XXYLT1: variants seen among roughly 807,000 people sequenced by gnomAD.
The protein encoded by XXYLT1 is UDP-xylose:alpha-xyloside alpha-1,3-xylosyltransferase.
Under a neutral mutation model 28.9 loss-of-function variants are expected in XXYLT1, and 20 were observed. The observed-to-expected ratio is 0.69, with a 90% CI of 0.49 to 1.00. The LOEUF is 1.00. Ranked by LOEUF, XXYLT1 falls within the 50% of genes least tolerant of loss-of-function variation. XXYLT1 has a pLI of 0.00. For missense variants in XXYLT1, 542 were observed against 560.1 expected (o/e 0.97, Z 0.33); for synonymous variants, 257 against 253.8 (o/e 1.01, Z -0.12).
chr3:195,117,825 C>T (rs1456042249), intron 3 of XXYLT1, among the ~76,000 whole-genome samples: 1 of 152,240 alleles, frequency 6.6e-6, no homozygotes, highest in African/African-American at 2.4e-5. Context: ...CAGTGGCCAT[C>T]TCAGTGCCAC....
At chr3:195,139,594 G>A (rs556004420) in intron 3 of XXYLT1, among the ~76,000 whole-genome samples, 3 of 152,306 alleles carry the variant, frequency 2.0e-5, no homozygotes, top group South Asian at 2.1e-4. Flanking sequence ...GGCTTGTTCA[G>A]AGCCTGGCCC....
chr3:195,265,169 T>A (rs1725807672), intron 1 of XXYLT1, among the ~76,000 whole-genome samples: 1 of 151,768 alleles, frequency 6.6e-6, no homozygotes, highest in South Asian at 2.1e-4. Context: ...CAGGAGTTCA[T>A]GACCAGCCTG....
At chr3:195,181,959 C>T (rs142051917) in intron 2 of XXYLT1, among the ~76,000 whole-genome samples, 2 of 152,346 alleles carry the variant, frequency 1.3e-5, no homozygotes, top group African/African-American at 4.8e-5. Flanking sequence ...CTTTCTATCT[C>T]AACAAACACT....
At chr3:195,139,660 G>C (rs1719384839) in intron 3 of XXYLT1, among the ~76,000 whole-genome samples, 1 of 152,168 alleles carries the variant, frequency 6.6e-6, no homozygotes, top group Non-Finnish European at 1.5e-5. Flanking sequence ...GCTCAGATGT[G>C]CCAAGATGAT....
intron 2 of XXYLT1, among the ~76,000 whole-genome samples, chr3:195,169,569 G>C (rs1344118378): frequency 6.6e-6 from 1 of 152,164 alleles, no homozygotes; most frequent in East Asian, 1.9e-4. Flanking sequence ...CAATTTTTCA[G>C]CTTTAGGATG....
intron 3 of XXYLT1, among the ~76,000 whole-genome samples, chr3:195,118,896 G>C (rs1718187925): frequency 6.6e-6 from 1 of 152,216 alleles, no homozygotes; most frequent in Non-Finnish European, 1.5e-5. Flanking sequence ...GGTTCTAAGA[G>C]CACTGCGTTC....
chr3:195,125,850 G>A (rs577213793), intron 3 of XXYLT1, among the ~76,000 whole-genome samples: 12 of 152,244 alleles, frequency 7.9e-5, no homozygotes, highest in African/African-American at 2.2e-4. Flanking sequence ...AGTCACAGCC[G>A]CTCCAGCGGG....
intron 3 of XXYLT1, among the ~76,000 whole-genome samples, chr3:195,089,050 T>C (rs1397603607): frequency 2.0e-5 from 3 of 152,044 alleles, no homozygotes; most frequent in South Asian, 2.1e-4. Flanking sequence ...CTACGTCTGA[T>C]TGGTGTACCT....
In XXYLT1 at chr3:195,268,534, G is replaced by A. The variant is rs1291699896; in HGVS notation, c.504+2021C>T. 2.0e-5 allele frequency among the ~76,000 whole-genome samples: 3 copies of A among 151,926 alleles called. No individual in the cohort carries two copies. In the East Asian group the frequency reaches 5.8e-4, roughly 29 times the overall value. ...AATCGCTCGAACCCAGGAGGCAGAG[G>A]TTGCAGTGAGCTGAGATCGTGCCAC... On this transcript the variant is annotated intron_variant, in intron 1 of 3. Coordinates refer to ENST00000310380, the MANE Select transcript of XXYLT1 (RefSeq NM_152531.5).
At chr3:195,179,895 T>A (rs1451562575) in intron 2 of XXYLT1, among the ~76,000 whole-genome samples, 1 of 152,204 alleles carries the variant, frequency 6.6e-6, no homozygotes, top group Non-Finnish European at 1.5e-5. Context: ...GCCCATGCTG[T>A]GACTGATGCG....
chr3:195,094,962 C>T (rs1474674772), intron 3 of XXYLT1, among the ~76,000 whole-genome samples: 4 of 152,240 alleles, frequency 2.6e-5, no homozygotes. Flanking sequence ...AGATGCAGGG[C>T]AGTGCTTCCC....
At chr3:195,211,948 G>A (rs139037315) in intron 2 of XXYLT1, among the ~76,000 whole-genome samples, 4,680 of 142,924 alleles carry the variant, frequency 0.033, 297 homozygotes, top group African/African-American at 0.12. Flanking sequence ...GGCAAGCCAC[G>A]GAATGCCACC....
chr3:195,153,838 G>A (rs1378348923), intron 3 of XXYLT1: 1 of 152,232 alleles, frequency 6.6e-6, no homozygotes, highest in African/African-American at 2.4e-5. Context: ...ACTTAGCCCA[G>A]TTTAAACACC....
chr3:195,134,326 C>T (rs149127567), intron 3 of XXYLT1, among the ~76,000 whole-genome samples: 2 of 152,270 alleles, frequency 1.3e-5, no homozygotes, highest in Non-Finnish European at 2.9e-5. Context: ...ACTGACGCAC[C>T]CGGAGCAACT....
At chr3:195,109,605 GTGTGTTGTATGAGT>G (rs1717359131) in intron 3 of XXYLT1, among the ~76,000 whole-genome samples, 1 of 70,078 alleles carries the variant, frequency 1.4e-5, no homozygotes, top group African/African-American at 4.9e-5. Context: ...TGTGTGTGGT[GTGTGTTGTATGAGT>G]GTGTGTGGTG....
intron 1 of XXYLT1, chr3:195,247,845 C>G (rs931046333): frequency 1.4e-6 from 1 of 702,244 alleles, no homozygotes. Context: ...CATAGTGCAG[C>G]AGGACAGAGA....
chr3:195,150,831 TACGCAC>T lies in XXYLT1; in HGVS notation c.785+5612_785+5617del, dbSNP rs879482220. Among the ~76,000 whole-genome samples the T allele has an allele frequency of 0.049, 6,457 of 132,184 alleles. 225 individuals carry two copies. Among genetic ancestry groups the T allele is most frequent in the East Asian group, 0.21 (775 of 3,642 alleles). 86.7% of individuals were successfully genotyped at this position (132,184 alleles called of 152,430 possible). A position where few individuals can be genotyped will look rare whatever the true frequency, so the allele number is the denominator to read the frequency against. On this transcript the variant is annotated intron_variant, in intron 3 of 3. Coordinates refer to ENST00000310380, the MANE Select transcript of XXYLT1 (RefSeq NM_152531.5). This position sits in a 1 kb window ranked among gnomAD's most constrained non-coding sequence, Gnocchi z 4.7. The stretch of plus-strand genomic sequence containing the variant: ...ACTCACATACACACACACTCACACA[TACGCAC>T]ACTCTCTCACACACTCTCACACACA...
At chr3:195,229,107 C>T (rs764751093) in intron 1 of XXYLT1, among the ~76,000 whole-genome samples, 3 of 152,282 alleles carry the variant, frequency 2.0e-5, no homozygotes, top group South Asian at 2.1e-4. Flanking sequence ...CCACCGCGCC[C>T]GGCCTGTATC....
chr3:195,201,907 G>A (rs767376713), intron 2 of XXYLT1, among the ~76,000 whole-genome samples: 22 of 152,270 alleles, frequency 1.4e-4, no homozygotes, highest in Non-Finnish European at 2.9e-4. Context: ...GGCCGGGCGC[G>A]GTGGCTCACA....
Sources: allele counts gnomAD v4.1 joint callset (sites outside exome capture counted in the v4.1 genomes callset), GRCh38; gene constraint gnomAD v4.1.1; non-coding constraint Gnocchi (gnomAD v3.1); transcripts MANE v1.5; gene names NCBI Gene and HGNC (gene_info 2026-07-23, HGNC 2026-07-21).